Variants in IFT43 observed in about 807,000 individuals in gnomAD.
IFT43 encodes the protein intraflagellar transport protein 43 homolog.
IFT43 carries 33 observed loss-of-function variants against 32.3 expected under a neutral mutation model. The ratio of observed to expected loss-of-function variants is 1.02; its 90% CI spans 0.77 to 1.37. The LOEUF (loss-of-function observed/expected upper bound fraction) is 1.37. Among genes scored for constraint, IFT43 ranks in the 40% most tolerant of loss-of-function variants. IFT43 has a pLI of 0.00. For missense variants in IFT43, 274 were observed against 265.9 expected (o/e 1.03, Z -0.21); for synonymous variants, 93 against 98.2 (o/e 0.95, Z 0.31).
In IFT43 at chr14:76,082,368, G is replaced by A. The variant is rs1566740262; in HGVS notation, c.368+1G>A. 5 of 1,586,754 alleles carry A rather than the reference G, an allele frequency of 3.2e-6. No individual in the cohort carries two copies. The highest frequency in any genetic ancestry group is 2.2e-5 in the East Asian group (1 of 44,772). On this transcript the variant is annotated splice_donor_variant, in intron 6 of 8. Coordinates refer to ENST00000314067, the MANE Select transcript of IFT43 (RefSeq NM_001102564.3). LOFTEE classifies it high-confidence loss of function. Reference sequence around the variant, plus strand: ...TTTTGCAGGTGGCAGCCCCTCCCAGGTAGGTTAAATCAGATATGATTGGGG... The same window carrying A: ...TTTTGCAGGTGGCAGCCCCTCCCAGATAGGTTAAATCAGATATGATTGGGG...
At chr14:75,999,843 C>A (rs1162977525) in intron 2 of IFT43, among the ~76,000 whole-genome samples, 1 of 152,170 alleles carries the variant, frequency 6.6e-6, no homozygotes, top group Non-Finnish European at 1.5e-5. Context: ...CCTGGCATTC[C>A]AAGTGGAGAA....
intron 2 of IFT43, among the ~76,000 whole-genome samples, chr14:75,990,407 T>C (rs944070441): frequency 6.6e-6 from 1 of 152,252 alleles, no homozygotes; most frequent in Non-Finnish European, 1.5e-5. Context: ...GTGATACTTA[T>C]TACATTGTAT....
At chr14:76,037,899 A>C (rs2036632114) in intron 3 of IFT43, among the ~76,000 whole-genome samples, 1 of 152,194 alleles carries the variant, frequency 6.6e-6, no homozygotes, top group Non-Finnish European at 1.5e-5. Flanking sequence ...ACAGAGCTCT[A>C]ATAATTGAAA....
chr14:75,990,615 G>A (rs1276422175), intron 2 of IFT43, among the ~76,000 whole-genome samples: 2 of 152,136 alleles, frequency 1.3e-5, no homozygotes, highest in Admixed American at 6.5e-5. Flanking sequence ...GAAGTGTTAT[G>A]GGGCCTGGGG....
At chr14:75,998,571 C>T (rs945676632) in intron 2 of IFT43, among the ~76,000 whole-genome samples, 3 of 152,164 alleles carry the variant, frequency 2.0e-5, no homozygotes, top group African/African-American at 7.2e-5. Flanking sequence ...AGAAACCAAG[C>T]ACCTATGGTG....
intron 3 of IFT43, among the ~76,000 whole-genome samples, chr14:76,023,145 C>T (rs2036326061): frequency 6.6e-6 from 1 of 152,260 alleles, no homozygotes; most frequent in African/African-American, 2.4e-5. Flanking sequence ...ATGCCATTCT[C>T]TCTGAGCTGG....
chr14:76,059,632 T>A (rs1257093690), intron 5 of IFT43: 7 of 494,242 alleles, frequency 1.4e-5, no homozygotes, highest in Non-Finnish European at 2.2e-5. Flanking sequence ...CATCTTCCCT[T>A]CCCATCCCAC....
intron 5 of IFT43, among the ~76,000 whole-genome samples, chr14:76,060,886 C>CCTCCT: frequency 6.7e-6 from 1 of 149,174 alleles, no homozygotes; most frequent in African/African-American, 2.5e-5. Flanking sequence ...CCTGCTCTCC[C>CCTCCT]CTCCCCTCTC....
At position 75,985,775 on chromosome 14, in the gene IFT43, G is replaced by A. The variant is rs751076186; in HGVS notation, c.-12G>A. On this transcript the variant is annotated 5_prime_UTR_variant, in exon 1 of 9. Coordinates refer to ENST00000314067, the MANE Select transcript of IFT43 (RefSeq NM_001102564.3). Reference sequence around the variant, plus strand: ...GTCGGTTTCCAGGAAGTGACGTCAGGCGGCCGCGGAGATGGAGGATTTGCT... The same window carrying A: ...GTCGGTTTCCAGGAAGTGACGTCAGACGGCCGCGGAGATGGAGGATTTGCT... 6.2e-7 allele frequency: 1 copy of A among 1,614,204 alleles called. No homozygotes were observed. The highest frequency in any genetic ancestry group is 2.2e-5 in the East Asian group (1 of 44,882).
intron 5 of IFT43, among the ~76,000 whole-genome samples, chr14:76,066,527 T>C (rs1442254637): frequency 2.6e-5 from 4 of 152,252 alleles, no homozygotes; most frequent in African/African-American, 9.6e-5. Flanking sequence ...GTTTCTAGAA[T>C]TATCTTTGCT....
intron 2 of IFT43, among the ~76,000 whole-genome samples, chr14:76,011,468 C>T (rs982268615): frequency 1.3e-5 from 2 of 152,106 alleles, no homozygotes; most frequent in Non-Finnish European, 2.9e-5. Flanking sequence ...GTTAATGCTG[C>T]TAAGTTTGAT....
At chr14:76,029,851 T>TTTTTATTTTATTTTA (rs58097236) in intron 3 of IFT43, among the ~76,000 whole-genome samples, 22,004 of 117,292 alleles carry the variant, frequency 0.19, 2,936 homozygotes, top group African/African-American at 0.32. Flanking sequence ...TTTATTTTTA[T>TTTTTATTTTATTTTA]TTTTATTTTA....
intron 2 of IFT43, among the ~76,000 whole-genome samples, chr14:75,999,242 T>TA (rs1177888368): frequency 0.045 from 614 of 13,574 alleles, 4 homozygotes; most frequent in Non-Finnish European, 0.055. Flanking sequence ...TATATATATA[T>TA]ATATATATAT....
chr14:76,067,125 C>G (rs563858105), intron 5 of IFT43, among the ~76,000 whole-genome samples: 2 of 152,312 alleles, frequency 1.3e-5, no homozygotes, highest in African/African-American at 4.8e-5. Context: ...CAGCATTCAG[C>G]CTCCCTTGCT....
intron 2 of IFT43, among the ~76,000 whole-genome samples, chr14:76,009,162 T>G (rs932589183): frequency 6.6e-6 from 1 of 152,238 alleles, no homozygotes; most frequent in Non-Finnish European, 1.5e-5. Flanking sequence ...GGCATGCAAC[T>G]TAGCCGCTAG....
chr14:76,069,161 A>AT (rs1006477747), intron 5 of IFT43, among the ~76,000 whole-genome samples: 4 of 152,098 alleles, frequency 2.6e-5, no homozygotes, highest in Non-Finnish European at 5.9e-5. Context: ...CAGAAGGCAA[A>AT]GGGGGAGCAG....
chr14:76,063,024 A>G (rs959867324), intron 5 of IFT43, among the ~76,000 whole-genome samples: 2 of 151,928 alleles, frequency 1.3e-5, no homozygotes, highest in Non-Finnish European at 2.9e-5. Flanking sequence ...TTCTTAAATC[A>G]ATTTGAGCAT....
chr14:76,029,851 TTTTTATTTTATTTTATTTTA>T (rs58097236), intron 3 of IFT43, among the ~76,000 whole-genome samples: 1 of 117,462 alleles, frequency 8.5e-6, no homozygotes, highest in Non-Finnish European at 1.7e-5. Context: ...TTTATTTTTA[TTTTTATTTTATTTTATTTTA>T]TTTTATTTTA....
At chr14:76,064,183 C>T (rs2037190035) in intron 5 of IFT43, among the ~76,000 whole-genome samples, 1 of 152,198 alleles carries the variant, frequency 6.6e-6, no homozygotes, top group East Asian at 1.9e-4. Context: ...CCACTAACTT[C>T]CTTTTAGACT....
Sources: allele counts gnomAD v4.1 joint callset (sites outside exome capture counted in the v4.1 genomes callset), GRCh38; gene constraint gnomAD v4.1.1; transcripts MANE v1.5; gene names NCBI Gene and HGNC (gene_info 2026-07-23, HGNC 2026-07-21).